Variants in SDK1 observed in about 807,000 individuals in gnomAD.
The protein encoded by SDK1 is sidekick cell adhesion molecule 1.
Under a neutral mutation model 245.5 loss-of-function variants are expected in SDK1, and 157 were observed. The observed-to-expected ratio is 0.64, with a 90% CI of 0.56 to 0.73. The LOEUF is 0.73. SDK1 is among the 30% of genes least tolerant of loss of function. The pLI, the probability that SDK1 is intolerant of heterozygous loss-of-function variation, is 0.00. For synonymous variants in SDK1, 1,647 were observed against 1,278.5 expected, an observed-to-expected ratio of 1.29 and a Z score of -6.15; for missense variants, 3,583 against 3,002.3, an observed-to-expected ratio of 1.19 and a Z score of -4.52.
intron 28 of SDK1, among the ~76,000 whole-genome samples, chr7:4,144,881 T>C (rs570548165): frequency 2.0e-5 from 3 of 152,140 alleles, no homozygotes; most frequent in African/African-American, 7.2e-5. Context: ...CAGCGCCCCG[T>C]CATTTCTGGT....
chr7:3,881,558 G>A (rs552259965), intron 5 of SDK1, among the ~76,000 whole-genome samples: 32 of 152,272 alleles, frequency 2.1e-4, no homozygotes, highest in Non-Finnish European at 4.6e-4. Context: ...GTGCTGCAAT[G>A]AACATATGCA....
In SDK1 at chr7:4,149,783, C is replaced by T. The variant is rs564530589; in HGVS notation, c.4625+320C>T. ...CTGGACATGTGGGCTGGAGTCCTAG[C>T]CCCTCCCAAGGCTGGCAATGGGGAG... On this transcript the variant is annotated intron_variant, in intron 30 of 44. Transcript: ENST00000404826. 3.3e-5 allele frequency among the ~76,000 whole-genome samples: 5 copies of T among 152,172 alleles called. No individual in the cohort carries two copies. In the South Asian group the frequency reaches 1.0e-3, roughly 32 times the overall value.
intron 1 of SDK1, among the ~76,000 whole-genome samples, chr7:3,369,927 A>G (rs1781181684): frequency 6.6e-6 from 1 of 152,224 alleles, no homozygotes; most frequent in Admixed American, 6.5e-5. Flanking sequence ...CTGGGAGCAC[A>G]GTGCCCTAGG....
In SDK1 at chr7:4,174,252, C is replaced by G; in HGVS notation, c.4831C>G (p.Leu1611Val). 1 of 1,614,072 alleles carries G rather than the reference C, an allele frequency of 6.2e-7. No individual in the cohort carries two copies. Among genetic ancestry groups the G allele is most frequent in the Non-Finnish European group, 8.5e-7 (1 of 1,179,954 alleles). The change falls in exon 33 of 45, where the codon CTT becomes GTT. Residue 1611 changes from leucine (L) to valine (V), a missense_variant. Coordinates refer to ENST00000404826, the MANE Select transcript of SDK1 (RefSeq NM_152744.4). ...GAGGGACGAAAGCCTGAATGGCCTT[C>G]TTCAGGGATACAGGATCTACTACAG... ...PPRDESLNGL[L>V]QGYRIYYREL...
chr7:3,330,510 A>T (rs1374069315), intron 1 of SDK1, among the ~76,000 whole-genome samples: 3 of 152,104 alleles, frequency 2.0e-5, no homozygotes, highest in Admixed American at 2.0e-4. Flanking sequence ...TGGCTTTGTA[A>T]GAAGAGAAAG....
chr7:3,514,126 C>T (rs1358461265), intron 1 of SDK1, among the ~76,000 whole-genome samples: 1 of 152,104 alleles, frequency 6.6e-6, no homozygotes, highest in East Asian at 1.9e-4. Context: ...GACGACAAGA[C>T]AGGTTATCAG....
chr7:3,614,782 C>T (rs148929342), intron 1 of SDK1, among the ~76,000 whole-genome samples: 531 of 152,252 alleles, frequency 3.5e-3, no homozygotes, highest in African/African-American at 0.012. Context: ...GCTTAAAATT[C>T]CAGGGTGTTG....
intron 4 of SDK1, among the ~76,000 whole-genome samples, chr7:3,671,290 G>A (rs147885869): frequency 1.3e-5 from 2 of 152,282 alleles, no homozygotes; most frequent in Non-Finnish European, 2.9e-5. Flanking sequence ...TAAGCTTAAT[G>A]TTCTCTAGAA....
At chr7:3,502,869 T>C (rs1782264142) in intron 1 of SDK1, among the ~76,000 whole-genome samples, 3 of 152,208 alleles carry the variant, frequency 2.0e-5, no homozygotes, top group African/African-American at 7.2e-5. Flanking sequence ...TTTCTTGTTC[T>C]GTAACATACT....
intron 22 of SDK1, among the ~76,000 whole-genome samples, chr7:4,105,844 G>C (rs1009116350): frequency 6.6e-6 from 1 of 152,196 alleles, no homozygotes; most frequent in African/African-American, 2.4e-5. Flanking sequence ...CTCTGAGAGG[G>C]GGAAGAGTGG....
At chr7:3,496,747 C>T (rs1225736806) in intron 1 of SDK1, among the ~76,000 whole-genome samples, 2 of 152,144 alleles carry the variant, frequency 1.3e-5, no homozygotes, top group African/African-American at 4.8e-5. Context: ...TTGTTACATT[C>T]TGAAAGCATA....
chr7:3,955,514 C>A (rs1309022345), intron 7 of SDK1, among the ~76,000 whole-genome samples: 1 of 152,202 alleles, frequency 6.6e-6, no homozygotes, highest in Admixed American at 6.5e-5. Context: ...TTCATAGATT[C>A]CAGAGGTGTG....
intron 1 of SDK1, among the ~76,000 whole-genome samples, chr7:3,516,044 A>G (rs912358555): frequency 3.3e-5 from 5 of 151,580 alleles, no homozygotes; most frequent in South Asian, 2.1e-4. Flanking sequence ...TAAATCTTCA[A>G]TGCATGAAGT....
chr7:3,967,175 G>A (rs1322740636), intron 9 of SDK1, 143 bp from the exon 10 acceptor site: 8 of 658,954 alleles, frequency 1.2e-5, no homozygotes, highest in Admixed American at 7.2e-5. Context: ...GAGGGCTGCC[G>A]TCCCTCCTGA....
At chr7:3,884,972 G>A (rs1377300000) in intron 5 of SDK1, among the ~76,000 whole-genome samples, 2 of 152,168 alleles carry the variant, frequency 1.3e-5, no homozygotes, top group African/African-American at 4.8e-5. Flanking sequence ...GCGCAAATTG[G>A]AAAGGAGATA....
intron 4 of SDK1, among the ~76,000 whole-genome samples, chr7:3,673,664 C>A (rs1303726346): frequency 6.6e-6 from 1 of 152,186 alleles, no homozygotes; most frequent in African/African-American, 2.4e-5. Context: ...GTAGTTTCGT[C>A]TTGCTCTGCA....
intron 7 of SDK1, among the ~76,000 whole-genome samples, chr7:3,955,817 C>G (rs544550610): frequency 3.9e-5 from 6 of 152,324 alleles, no homozygotes; most frequent in East Asian, 3.9e-4. Flanking sequence ...TGAGCCTGCA[C>G]TTTGTCACAC....
intron 1 of SDK1, among the ~76,000 whole-genome samples, chr7:3,531,337 C>T (rs867247798): frequency 3.3e-5 from 5 of 152,082 alleles, no homozygotes; most frequent in Admixed American, 2.0e-4. Flanking sequence ...ACGCTTATTT[C>T]GACTTAGGTT....
At chr7:4,183,727 A>G (rs1161326520) in intron 35 of SDK1, among the ~76,000 whole-genome samples, 1 of 151,890 alleles carries the variant, frequency 6.6e-6, no homozygotes, top group East Asian at 1.9e-4. Context: ...GCCTTTTATT[A>G]GCTTTACAAA....
Sources: allele counts gnomAD v4.1 joint callset (sites outside exome capture counted in the v4.1 genomes callset), GRCh38; gene constraint gnomAD v4.1.1; transcripts MANE v1.5; gene names NCBI Gene and HGNC (gene_info 2026-07-23, HGNC 2026-07-21).